The following TNNT2 variants were observed in gnomAD, a reference collection of about 807,000 sequenced individuals.
The protein encoded by TNNT2 is troponin T2, cardiac type, also known as troponin T, cardiac muscle.
Under a neutral mutation model 62.4 loss-of-function variants are expected in TNNT2, and 34 were observed. The ratio of observed to expected loss-of-function variants is 0.54; its 90% CI spans 0.41 to 0.72. TNNT2 has a LOEUF of 0.72. TNNT2 is among the 30% of genes least tolerant of loss of function. The pLI is 0.00. For missense variants in TNNT2, 275 were observed against 381.9 expected (o/e 0.72, Z 2.33); for synonymous variants, 123 against 127.2 (o/e 0.97, Z 0.22).
chr1:201,366,323 G>A, intron 8 of TNNT2: 2 of 1,026,314 alleles, frequency 1.9e-6, no homozygotes, highest in Non-Finnish European at 2.3e-6. Context: ...TCTGCTGGCA[G>A]GGTTGGCATC....
At chr1:201,364,724 C>T (rs1320890964) in intron 10 of TNNT2, among the ~76,000 whole-genome samples, 2 of 152,228 alleles carry the variant, frequency 1.3e-5, no homozygotes, top group East Asian at 1.9e-4. Flanking sequence ...GTCATTGCTC[C>T]AGCCAGAGCA....
intron 11 of TNNT2, chr1:201,364,028 C>T (rs189742707): frequency 2.1e-4 from 97 of 457,136 alleles, no homozygotes; most frequent in East Asian, 1.5e-3. Context: ...CTAGGATGAC[C>T]GGCATGTGCC....
intron 8 of TNNT2, chr1:201,366,081 A>C (rs769675677): frequency 5.6e-5 from 64 of 1,144,906 alleles, no homozygotes; most frequent in Non-Finnish European, 6.7e-5. Context: ...GGAGTCTTGC[A>C]GTTTGGTCCT....
chr1:201,363,627 T>G (rs930107198), intron 11 of TNNT2: 6 of 554,388 alleles, frequency 1.1e-5, no homozygotes, highest in African/African-American at 9.5e-5. Flanking sequence ...AAATGTGAGG[T>G]CTCGTCATCC....
At chr1:201,375,195 G>A (rs1192347815) in intron 1 of TNNT2, 1 of 152,362 alleles carries the variant, frequency 6.6e-6, no homozygotes, top group East Asian at 1.9e-4. Context: ...CAGAGGCTGA[G>A]CCATTCCAAG....
intron 5 of TNNT2, chr1:201,369,465 G>A (rs1660249688): frequency 2.0e-6 from 1 of 488,914 alleles, no homozygotes; most frequent in African/African-American, 2.0e-5. Flanking sequence ...TGGAACACTG[G>A]GGTGTGCGCG....
In TNNT2 at chr1:201,377,617, C is replaced by T. The variant is rs778890563; in HGVS notation, c.-15+6G>A. 2.2e-6 allele frequency: 1 copy of T among 456,302 alleles called. No individual in the cohort carries two copies. The highest frequency in any genetic ancestry group is 2.3e-5 in the Admixed American group (1 of 42,580). 28.3% of individuals were successfully genotyped at this position (456,302 alleles called of 1,614,324 possible). On this transcript the variant is annotated splice_donor_region_variant and intron_variant, in intron 1 of 16. Coordinates refer to ENST00000656932, the MANE Select transcript of TNNT2 (RefSeq NM_001276345.2). ...CCTCTTCCCCAGAGCCCTGCCCGAG[C>T]CTTACCTCAGAACAGCAGCTGCCGA...
intron 10 of TNNT2, 145 bp from the exon 11 acceptor site, chr1:201,364,520 G>T: frequency 2.4e-6 from 2 of 850,792 alleles, no homozygotes; most frequent in Non-Finnish European, 3.8e-6. Flanking sequence ...GCCTCCAAGG[G>T]CCTCCACTTT....
intron 4 of TNNT2, among the ~76,000 whole-genome samples, chr1:201,370,795 C>G (rs1660502869): frequency 6.6e-6 from 1 of 152,254 alleles, no homozygotes; most frequent in Non-Finnish European, 1.5e-5. Context: ...ATGTCTCAAA[C>G]TCCACCACCC....
chr1:201,361,418 C>T, intron 14 of TNNT2, 49 bp from the exon 15 acceptor site: 2 of 1,519,450 alleles, frequency 1.3e-6, no homozygotes, highest in Non-Finnish European at 1.8e-6. Context: ...AAAGGGCCCT[C>T]CTGGGCCTCC....
At chr1:201,365,533 G>T in intron 9 of TNNT2, 77 bp downstream of exon 9, 1 of 1,526,120 alleles carries the variant, frequency 6.6e-7, no homozygotes, top group Non-Finnish European at 9.1e-7. Context: ...CCAGCCCAAG[G>T]TCACAAAATC....
intron 1 of TNNT2, chr1:201,374,898 G>A (rs529897627): frequency 2.1e-4 from 32 of 152,324 alleles, no homozygotes; most frequent in African/African-American, 7.7e-4. Flanking sequence ...AGGGTGATGT[G>A]AGAGTGAGGC....
At chr1:201,371,065 G>T (rs572683105) in intron 4 of TNNT2, among the ~76,000 whole-genome samples, 4 of 152,348 alleles carry the variant, frequency 2.6e-5, no homozygotes, top group Admixed American at 1.3e-4. Flanking sequence ...ATGTGCAGGA[G>T]GGTCCCCATT....
Position 201,359,125 on chromosome 1 carries a change from G to T in TNNT2, c.*85C>A. On this transcript the variant is annotated 3_prime_UTR_variant, in exon 17 of 17. Coordinates refer to ENST00000656932, the MANE Select transcript of TNNT2 (RefSeq NM_001276345.2). ...TTTCCAAACAGGAGCTGCCTGGGGT[G>T]CCCAGGAGGGCCCGGGAACTGGGGG... is the stretch of plus-strand genomic sequence containing the variant. 6.5e-7 allele frequency: 1 copy of T among 1,529,504 alleles called. No individual in the cohort carries two copies. 94.7% of individuals were successfully genotyped at this position (1,529,504 alleles called of 1,614,324 possible).
chr1:201,371,104 G>T (rs1014210175), intron 4 of TNNT2, among the ~76,000 whole-genome samples: 37 of 152,176 alleles, frequency 2.4e-4, no homozygotes, highest in African/African-American at 8.7e-4. Context: ...GAGCAAGGGC[G>T]GGGCCACCTG....
rs568615295 is a variant in TNNT2 at position 201,364,174 on chromosome 1, G to A, written c.489+124C>T. 5.5e-5 allele frequency: 60 copies of A among 1,091,970 alleles called. 1 individual carries two copies. In the South Asian group the frequency reaches 5.6e-4, roughly 10 times the overall value. 67.6% of individuals were successfully genotyped at this position (1,091,970 alleles called of 1,614,324 possible). A position where few individuals can be genotyped will look rare whatever the true frequency, so the allele number is the denominator to read the frequency against. The stretch of plus-strand genomic sequence containing the variant: ...GCTGGGATTACAGGCGTGAGCCACC[G>A]CACCCGGCCAATATTGTCTCTTGAC... On this transcript the variant is annotated intron_variant, in intron 11 of 16. Coordinates refer to ENST00000656932, the MANE Select transcript of TNNT2 (RefSeq NM_001276345.2).
chr1:201,361,834 C>T (rs914824702), intron 14 of TNNT2, 79 bp downstream of exon 14: 1 of 1,345,184 alleles, frequency 7.4e-7, no homozygotes. Flanking sequence ...TGGTGGCTCA[C>T]AGCAAGAAGT....
chr1:201,365,171 T>G lies in TNNT2; in HGVS notation c.411+20A>C. The G allele has an allele frequency of 3.2e-6, 5 of 1,583,002 alleles. No individual in the cohort carries two copies. The highest frequency in any genetic ancestry group is 4.3e-6 in the Non-Finnish European group (5 of 1,151,720). On this transcript the variant is annotated intron_variant, in intron 10 of 16. Coordinates refer to ENST00000656932, the MANE Select transcript of TNNT2 (RefSeq NM_001276345.2). ...GACTGGGCCATCAGAGAATGTTAGG[T>G]GGGCAGACTGGACACCTACGATCCT...
intron 12 of TNNT2, among the ~76,000 whole-genome samples, chr1:201,362,871 C>T (rs1038685757): frequency 6.6e-6 from 1 of 152,184 alleles, no homozygotes; most frequent in African/African-American, 2.4e-5. Context: ...CTTCTCAAAG[C>T]ATCAAGGCAG....
Sources: allele counts gnomAD v4.1 joint callset (sites outside exome capture counted in the v4.1 genomes callset), GRCh38; gene constraint gnomAD v4.1.1; transcripts MANE v1.5; gene names NCBI Gene and HGNC (gene_info 2026-07-23, HGNC 2026-07-21).